Variants in TP63 observed in about 807,000 individuals in gnomAD.
TP63 encodes tumor protein p63.
TP63 carries 17 observed loss-of-function variants against 82.8 expected under a neutral mutation model. The ratio of observed to expected loss-of-function variants is 0.21; its 90% CI spans 0.14 to 0.31. The LOEUF is 0.31. Among genes scored for constraint, TP63 ranks in the 10% least tolerant of loss-of-function variants. The probability of loss-of-function intolerance (pLI) is 1.00; values close to 1 mark genes in which losing one functional copy is unlikely to be tolerated. For synonymous variants in TP63, 330 were observed against 321.7 expected (o/e 1.03, Z -0.28); for missense variants, 648 against 895.3 (o/e 0.72, Z 3.52).
Position 189,738,793 on chromosome 3 carries a change from C to T in TP63, c.324+19C>T. The T allele has an allele frequency of 6.2e-7, 1 of 1,613,708 alleles. No homozygotes were observed. Among genetic ancestry groups the T allele is most frequent in the Non-Finnish European group, 8.5e-7 (1 of 1,179,810 alleles). On this transcript the variant is annotated intron_variant, in intron 3 of 13. Transcript: ENST00000264731. ...CATGTGGGTGAGTGGCACAGGCTTTCTCTTCAGTCTTTGGGCCATGCTATC... is the reference window on the plus strand; with the variant it reads ...CATGTGGGTGAGTGGCACAGGCTTTTTCTTCAGTCTTTGGGCCATGCTATC...
chr3:189,795,954 T>C (rs1725657071), intron 3 of TP63, among the ~76,000 whole-genome samples: 1 of 152,032 alleles, frequency 6.6e-6, no homozygotes, highest in Non-Finnish European at 1.5e-5. Flanking sequence ...GTAATGACAT[T>C]TTAAAACTTA....
chr3:189,725,368 A>C (rs1186409775), intron 1 of TP63, among the ~76,000 whole-genome samples: 4 of 152,226 alleles, frequency 2.6e-5, no homozygotes, highest in Admixed American at 6.5e-5. Flanking sequence ...CATAGGACTT[A>C]TCGGGACTAG....
At chr3:189,661,056 G>T (rs1577194650) in intron 1 of TP63, among the ~76,000 whole-genome samples, 1 of 151,862 alleles carries the variant, frequency 6.6e-6, no homozygotes, top group East Asian at 1.9e-4. Context: ...CTATTTGGGT[G>T]TCTTTCATTT....
chr3:189,831,455 A>C (rs1195597054), intron 4 of TP63, among the ~76,000 whole-genome samples: 15 of 151,832 alleles, frequency 9.9e-5, no homozygotes, highest in Non-Finnish European at 1.5e-5. Context: ...TTTCATTTCC[A>C]TGATATCATT....
chr3:189,770,457 C>T (rs1723253653), intron 3 of TP63, among the ~76,000 whole-genome samples: 1 of 151,480 alleles, frequency 6.6e-6, no homozygotes, highest in Admixed American at 6.6e-5. Flanking sequence ...CCCAGCTGCT[C>T]GGGGGGCTGA....
chr3:189,696,788 A>G (rs1441380546), intron 1 of TP63, among the ~76,000 whole-genome samples: 2 of 152,096 alleles, frequency 1.3e-5, no homozygotes, highest in Non-Finnish European at 2.9e-5. Context: ...TTTTCCTATG[A>G]CAAATTATGT....
intron 13 of TP63, among the ~76,000 whole-genome samples, 175 bp downstream of exon 13, chr3:189,891,057 A>G (rs1284855198): frequency 6.6e-6 from 1 of 152,206 alleles, no homozygotes; most frequent in Non-Finnish European, 1.5e-5. Flanking sequence ...CTCAACCTAT[A>G]CATATTAGAA....
At chr3:189,806,642 T>A (rs1486800294) in intron 3 of TP63, among the ~76,000 whole-genome samples, 1 of 152,050 alleles carries the variant, frequency 6.6e-6, no homozygotes, top group African/African-American at 2.4e-5. Context: ...GGTGGGTAAG[T>A]GGTGGATAGC....
chr3:189,891,045 G>T (rs1720965614), intron 13 of TP63, among the ~76,000 whole-genome samples, 163 bp downstream of exon 13: 2 of 152,088 alleles, frequency 1.3e-5, no homozygotes, highest in South Asian at 4.1e-4. Context: ...AGATTCCCAG[G>T]CCTCAACCTA....
In TP63 at chr3:189,677,459, C is replaced by T. The variant is rs199718423; in HGVS notation, c.62+45882C>T. ...ATATATATATACACACATATATATACACATATATATATGGCATTTTCTTTA... is the reference window on the plus strand; with the variant it reads ...ATATATATATACACACATATATATATACATATATATATGGCATTTTCTTTA... On this transcript the variant is annotated intron_variant, in intron 1 of 13. Coordinates refer to ENST00000264731, the MANE Select transcript of TP63 (RefSeq NM_003722.5). Among the ~76,000 whole-genome samples the T allele has an allele frequency of 1.6e-3, 227 of 144,970 alleles. 1 individual carries two copies. The highest frequency in any genetic ancestry group is 5.3e-3 in the African/African-American group (214 of 40,052).
At chr3:189,646,686 G>C (rs1357791786) in intron 1 of TP63, among the ~76,000 whole-genome samples, 2 of 146,824 alleles carry the variant, frequency 1.4e-5, no homozygotes, top group Admixed American at 1.3e-4. Context: ...TATAAGGCAG[G>C]TGGGAATCTG....
At chr3:189,728,999 T>G (rs1428408341) in intron 1 of TP63, among the ~76,000 whole-genome samples, 1 of 152,032 alleles carries the variant, frequency 6.6e-6, no homozygotes, top group Non-Finnish European at 1.5e-5. Flanking sequence ...GTGATTAGAT[T>G]TTTGTCAAGG....
chr3:189,774,988 C>T (rs1429330728), intron 3 of TP63, among the ~76,000 whole-genome samples: 2 of 152,054 alleles, frequency 1.3e-5, no homozygotes, highest in Non-Finnish European at 2.9e-5. Context: ...GAGGCAGAGG[C>T]GGGCAGATCA....
intron 3 of TP63, among the ~76,000 whole-genome samples, chr3:189,771,302 A>ATATATATAATAGATTATATATT (rs1723327611): frequency 8.1e-6 from 1 of 123,390 alleles, no homozygotes; most frequent in African/African-American, 3.8e-5. Flanking sequence ...TATTATATTT[A>ATATATATAATAGATTATATATT]TATATATAAT....
intron 3 of TP63, among the ~76,000 whole-genome samples, chr3:189,769,249 A>G (rs977344599): frequency 2.6e-5 from 4 of 152,244 alleles, no homozygotes; most frequent in African/African-American, 4.8e-5. Context: ...TATAAATTCT[A>G]TCATCTTCCG....
intron 4 of TP63, among the ~76,000 whole-genome samples, chr3:189,836,217 C>T (rs531320037): frequency 1.1e-4 from 17 of 152,182 alleles, no homozygotes; most frequent in African/African-American, 3.9e-4. Flanking sequence ...CAAATGTACA[C>T]GTGCAACTTA....
In TP63 at chr3:189,866,644, G is replaced by C. The variant is rs780613044; in HGVS notation, c.767-38G>C. On this transcript the variant is annotated intron_variant, in intron 5 of 13. Coordinates refer to ENST00000264731, the MANE Select transcript of TP63 (RefSeq NM_003722.5). ...TCATTTTATTTTCTTTATTTTTAAG[G>C]TAAAGAACTAACTCTTTTATTGTTT... is the stretch of plus-strand genomic sequence containing the variant. 6.4e-6 allele frequency: 10 copies of C among 1,562,152 alleles called. No homozygotes were observed. Among genetic ancestry groups the C allele is most frequent in the Non-Finnish European group, 7.1e-6 (8 of 1,134,742 alleles).
chr3:189,701,522 C>CATACATATAT (rs1717799935), intron 1 of TP63, among the ~76,000 whole-genome samples: 2 of 136,782 alleles, frequency 1.5e-5, no homozygotes, highest in African/African-American at 5.3e-5. Context: ...GATATATATA[C>CATACATATAT]ATATATATAT....
the TP63 span, among the ~76,000 whole-genome samples, chr3:189,608,021 A>C: frequency 1.3e-5 from 2 of 152,190 alleles, no homozygotes; most frequent in African/African-American, 4.8e-5. Context: ...AAGTTGTTTA[A>C]GATATGAAGA....
Sources: gnomAD v4.1 joint callset for allele counts (sites outside exome capture counted in the v4.1 genomes callset) on GRCh38, gnomAD v4.1.1 for gene constraint, MANE v1.5 for transcripts, NCBI Gene and HGNC (gene_info 2026-07-23, HGNC 2026-07-21) for gene names.